The following TRPA1 variants were observed in gnomAD, a reference collection of about 807,000 sequenced individuals.
TRPA1 encodes transient receptor potential cation channel subfamily A member 1.
Under a neutral mutation model 131.3 loss-of-function variants are expected in TRPA1, and 129 were observed. The observed-to-expected ratio is 0.98, with a 90% confidence interval of 0.85 to 1.14. The LOEUF is 1.14. Ranked by LOEUF, TRPA1 falls within the 50% of genes most tolerant of loss-of-function variation. The probability of loss-of-function intolerance (pLI) is 0.00; values close to 1 mark genes in which losing one functional copy is unlikely to be tolerated. For synonymous variants in TRPA1, 441 were observed against 451.7 expected (o/e 0.98, Z 0.30); for missense variants, 1,304 against 1,354.2 (o/e 0.96, Z 0.58).
rs772687568 is a variant in TRPA1 at position 72,057,702 on chromosome 8, G to T, written c.1093+15C>A. 6.3e-7 allele frequency: 1 copy of T among 1,598,556 alleles called. No homozygotes were observed. The highest frequency in any genetic ancestry group is 1.7e-5 in the Admixed American group (1 of 59,946). ...AGTGGCACTTCAAAAGACTTGGCTT[G>T]TTCCCTCTTGGTACCTTTAGAGAGT... On this transcript the variant is annotated intron_variant, in intron 9 of 26. Coordinates refer to ENST00000262209, the MANE Select transcript of TRPA1 (RefSeq NM_007332.3).
Position 72,023,641 on chromosome 8 carries a change from A to T in TRPA1, c.3149+173T>A, listed in dbSNP as rs1033680454. ...AACTGATTGGTGAATAGTGGCAAAT[A>T]TGTTGTTGGTTCTAAAAAATGTCTC... On this transcript the variant is annotated intron_variant, in intron 26 of 26. Transcript: ENST00000262209. 5 of 548,346 alleles carry T rather than the reference A, an allele frequency of 9.1e-6. No individual in the cohort carries two copies. In the Middle Eastern group the frequency reaches 1.5e-3, roughly 161 times the overall value. 34.0% of individuals were successfully genotyped at this position (548,346 alleles called of 1,614,324 possible).
At chr8:72,025,881 GCC>G (rs1811587271) in intron 25 of TRPA1, 77 bp downstream of exon 25, 1 of 1,220,618 alleles carries the variant, frequency 8.2e-7, no homozygotes, top group African/African-American at 1.5e-5. Flanking sequence ...CTATAAAAGG[GCC>G]CCCTTAGGGT....
chr8:72,084,711 G>C, the TRPA1 span, among the ~76,000 whole-genome samples: 3 of 143,698 alleles, frequency 2.1e-5, no homozygotes, highest in Non-Finnish European at 4.5e-5. Context: ...GAGTACAGTG[G>C]CATGATCTTG....
chr8:72,032,712 A>G (rs1811873722), intron 23 of TRPA1, among the ~76,000 whole-genome samples: 1 of 152,212 alleles, frequency 6.6e-6, no homozygotes, highest in South Asian at 2.1e-4. Context: ...GCTTTATGTC[A>G]TTCTCCGTTA....
chr8:72,033,969 T>C lies in TRPA1; in HGVS notation c.2686-143A>G, dbSNP rs980040557. ...TAGCTGTTGAAATGCAGTGATAAAA[T>C]ATAGTAAACATGGTAAAGTCATCAA... On this transcript the variant is annotated intron_variant, in intron 22 of 26. Transcript: ENST00000262209. 387 of 839,274 alleles carry C rather than the reference T, an allele frequency of 4.6e-4. 2 individuals are homozygous for C. Among genetic ancestry groups the C allele is most frequent in the Non-Finnish European group, 8.6e-5 (44 of 512,776 alleles). 52.0% of individuals were successfully genotyped at this position (839,274 alleles called of 1,614,324 possible). A position where few individuals can be genotyped will look rare whatever the true frequency, so the allele number is the denominator to read the frequency against.
At chr8:72,041,901 G>A (rs987129880) in intron 17 of TRPA1, among the ~76,000 whole-genome samples, 7 of 151,304 alleles carry the variant, frequency 4.6e-5, no homozygotes, top group Non-Finnish European at 3.0e-5. Context: ...AAAAACAATA[G>A]AAAAAAATCA....
intron 20 of TRPA1, among the ~76,000 whole-genome samples, chr8:72,037,107 G>A (rs563462452): frequency 1.6e-4 from 24 of 152,108 alleles, no homozygotes; most frequent in Admixed American, 7.9e-4. Context: ...GCCTTAAATC[G>A]TTTAAGGTAA....
intron 6 of TRPA1, chr8:72,062,229 T>C (rs1805826353): frequency 5.4e-6 from 1 of 185,656 alleles, no homozygotes; most frequent in Admixed American, 5.4e-5. Flanking sequence ...ATGAGATTAA[T>C]ATCCAATCTT....
At chr8:72,032,238 T>G (rs2129433199) in intron 23 of TRPA1, among the ~76,000 whole-genome samples, 1 of 152,324 alleles carries the variant, frequency 6.6e-6, no homozygotes, top group Admixed American at 6.5e-5. Context: ...TAAAAGCCAC[T>G]GATGTGTTCA....
upstream of TRPA1, among the ~76,000 whole-genome samples, chr8:72,077,612 G>A (rs1176333295): frequency 2.6e-5 from 4 of 152,018 alleles, no homozygotes; most frequent in East Asian, 7.7e-4. Flanking sequence ...TTCCTTTTAG[G>A]CATTTTTCAG....
At chr8:72,034,981 G>A (rs1811977636) in intron 21 of TRPA1, among the ~76,000 whole-genome samples, 1 of 152,196 alleles carries the variant, frequency 6.6e-6, no homozygotes, top group South Asian at 2.1e-4. Context: ...GATAAATTGT[G>A]TGCTGCATCA....
chr8:72,061,884 AC>A, intron 6 of TRPA1, 123 bp from the exon 7 acceptor site: 2 of 1,023,956 alleles, frequency 2.0e-6, no homozygotes, highest in Non-Finnish European at 3.0e-6. Context: ...CAGGCTGATC[AC>A]CATTAATCAT....
chr8:72,036,819 G>A (rs1464012682), intron 20 of TRPA1, among the ~76,000 whole-genome samples: 1 of 152,216 alleles, frequency 6.6e-6, no homozygotes, highest in Non-Finnish European at 1.5e-5. Context: ...CAACATGAAT[G>A]TGGAGCTCTC....
rs368638781 is a variant in TRPA1 at position 72,068,881 on chromosome 8, A to G, written c.444+142T>C. ...TCATCATCATCATTAGTTAGTGAGAAGTAAAGCAAATGTAATAATTGCATT... is the reference window on the plus strand; with the variant it reads ...TCATCATCATCATTAGTTAGTGAGAGGTAAAGCAAATGTAATAATTGCATT... On this transcript the variant is annotated intron_variant, in intron 3 of 26. Coordinates refer to ENST00000262209, the MANE Select transcript of TRPA1 (RefSeq NM_007332.3). 24 of 855,508 alleles carry G rather than the reference A, an allele frequency of 2.8e-5. No homozygotes were observed. In the East Asian group the frequency reaches 4.4e-4, roughly 16 times the overall value. 53.0% of individuals were successfully genotyped at this position (855,508 alleles called of 1,614,324 possible).
At chr8:72,082,528 A>C in the TRPA1 span, among the ~76,000 whole-genome samples, 2 of 152,068 alleles carry the variant, frequency 1.3e-5, no homozygotes, top group Non-Finnish European at 2.9e-5. Context: ...TTCTTTTAGA[A>C]CATCTAATAA....
intron 21 of TRPA1, among the ~76,000 whole-genome samples, chr8:72,035,626 G>C (rs899768845): frequency 1.3e-5 from 2 of 152,046 alleles, no homozygotes; most frequent in African/African-American, 4.8e-5. Flanking sequence ...TCAGAGGCCC[G>C]GGAACTCAGG....
chr8:72,053,619 C>T (rs1805583629), intron 13 of TRPA1, 134 bp downstream of exon 13: 1 of 715,316 alleles, frequency 1.4e-6, no homozygotes, highest in Admixed American at 2.0e-5. Flanking sequence ...CTCAAGAATC[C>T]ACTTGCTAAA....
At chr8:72,057,121 C>T (rs1374943283) in intron 9 of TRPA1, 104 bp from the exon 10 acceptor site, 9 of 859,780 alleles carry the variant, frequency 1.0e-5, no homozygotes, top group South Asian at 1.7e-5. Flanking sequence ...AAAATATTGT[C>T]GACCTTTAGT....
At position 72,033,812 on chromosome 8, in the gene TRPA1, A is replaced by G. The variant is rs756048374; in HGVS notation, c.2700T>C (p.Ser900=). ...ILLNLQDPFS[S]PLLSIIQTFS... Reference sequence around the variant, plus strand: ...AGGTCTGGATTATAGAAAGCAATGGAGAGCTGAAGGGATCCTGAAAGCAGA... The same window carrying G: ...AGGTCTGGATTATAGAAAGCAATGGGGAGCTGAAGGGATCCTGAAAGCAGA... Residue 900 remains serine, a synonymous_variant, in exon 23 of 27, where the codon TCT becomes TCC. Transcript: ENST00000262209. The G allele has an allele frequency of 6.2e-7, 1 of 1,614,044 alleles. No individual in the cohort carries two copies. Among genetic ancestry groups the G allele is most frequent in the East Asian group, 2.2e-5 (1 of 44,860 alleles).
Sources: gnomAD v4.1 joint callset for allele counts (sites outside exome capture counted in the v4.1 genomes callset) on GRCh38, gnomAD v4.1.1 for gene constraint, MANE v1.5 for transcripts, NCBI Gene and HGNC (gene_info 2026-07-23, HGNC 2026-07-21) for gene names.